WDR48: variants seen among roughly 807,000 people sequenced by gnomAD.
WDR48 encodes the protein WD repeat-containing protein 48.
WDR48 carries 22 observed loss-of-function variants against 94.0 expected under a neutral mutation model. The ratio of observed to expected loss-of-function variants is 0.23; its 90% CI spans 0.17 to 0.33. The LOEUF is 0.33. WDR48 is among the 10% of genes least tolerant of loss of function. WDR48 has a pLI of 1.00. For missense variants in WDR48, 541 were observed against 813.8 expected, an observed-to-expected ratio of 0.66 and a Z score of 4.08; for synonymous variants, 278 against 280.5, an observed-to-expected ratio of 0.99 and a Z score of 0.09.
At position 39,070,687 on chromosome 3, in the gene WDR48, C is replaced by CT. The variant is rs34204168; in HGVS notation, c.672+962dup. Among the ~76,000 whole-genome samples, 251 of 133,324 alleles carry CT rather than the reference C, an allele frequency of 1.9e-3. 1 individual carries two copies. The highest frequency in any genetic ancestry group is 3.5e-3 in the South Asian group (14 of 4,012). 87.5% of individuals were successfully genotyped at this position (133,324 alleles called of 152,430 possible). A position where few individuals can be genotyped will look rare whatever the true frequency, so the allele number is the denominator to read the frequency against. ...GGAGGTATTTGGAGATGTGAAGGAT[C>CT]TTTTTTTTTTTTTTTTTTTAATACT... On this transcript the variant is annotated intron_variant, in intron 7 of 18. Transcript: ENST00000302313.
intron 10 of WDR48, among the ~76,000 whole-genome samples, chr3:39,078,768 C>CAT (rs1553661104): frequency 0.053 from 6 of 114 alleles, no homozygotes; most frequent in African/African-American, 0.18. Context: ...CGCGGTGGCT[C>CAT]GCCTGTAATC....
chr3:39,059,302 A>G (rs575135408), intron 1 of WDR48, among the ~76,000 whole-genome samples: 1 of 152,324 alleles, frequency 6.6e-6, no homozygotes, highest in East Asian at 1.9e-4. Flanking sequence ...CACTGGCAAC[A>G]GTAAATGAGA....
intron 1 of WDR48, among the ~76,000 whole-genome samples, chr3:39,055,844 G>GA (rs200278421): frequency 1.3e-5 from 2 of 151,700 alleles, no homozygotes; most frequent in South Asian, 2.1e-4. Flanking sequence ...AGTGCTTGGG[G>GA]AAAAAAAATA....
chr3:39,069,138 A>G (rs1397596043), intron 6 of WDR48, among the ~76,000 whole-genome samples: 1 of 151,970 alleles, frequency 6.6e-6, no homozygotes, highest in Admixed American at 6.6e-5. Flanking sequence ...TCCTTGTCCC[A>G]TCTGGCTAAT....
At chr3:39,057,916 G>A (rs183901350) in intron 1 of WDR48, among the ~76,000 whole-genome samples, 1 of 152,198 alleles carries the variant, frequency 6.6e-6, no homozygotes, top group Non-Finnish European at 1.5e-5. Context: ...ACTGCGCCTG[G>A]CCCCTGGTTA....
chr3:39,089,907 T>G (rs1340728532), intron 16 of WDR48: 1 of 152,262 alleles, frequency 6.6e-6, no homozygotes, highest in Non-Finnish European at 1.5e-5. Context: ...CCCCTATTAA[T>G]GGACATTTAG....
rs927369586 is a variant in WDR48 at position 39,094,030 on chromosome 3, G to A, written c.1902G>A (p.Leu634=). 2 of 1,612,904 alleles carry A rather than the reference G, an allele frequency of 1.2e-6. No homozygotes were observed. Among genetic ancestry groups the A allele is most frequent in the African/African-American group, 2.7e-5 (2 of 74,872 alleles). The change falls in exon 18 of 19, where the codon TTG becomes TTA. Residue 634 remains leucine (L), a synonymous_variant. Transcript: ENST00000302313. ...AAAAAGAAGAAGATATTGCTGTGTT[G>A]GCAGAGGAGAAAATTGAACTTTTGT... The part of the protein sequence containing the change: ...EQEKEEDIAV[L]AEEKIELLCQ...
At chr3:39,067,155 A>G (rs1045146241) in intron 5 of WDR48, among the ~76,000 whole-genome samples, 1 of 152,194 alleles carries the variant, frequency 6.6e-6, no homozygotes, top group African/African-American at 2.4e-5. Flanking sequence ...CCTGCAGGGT[A>G]GAGGAGACTG....
At chr3:39,062,872 A>G (rs1427429880) in intron 1 of WDR48, among the ~76,000 whole-genome samples, 178 bp from the exon 2 acceptor site, 4 of 152,198 alleles carry the variant, frequency 2.6e-5, no homozygotes, top group Admixed American at 2.6e-4. Context: ...TATCATTGAT[A>G]CCATCCTTCT....
intron 7 of WDR48, among the ~76,000 whole-genome samples, chr3:39,070,781 C>T (rs1172256506): frequency 6.7e-6 from 1 of 150,170 alleles, no homozygotes; most frequent in Non-Finnish European, 1.5e-5. Flanking sequence ...CATGCTGGTG[C>T]GCTGCACCCA....
intron 18 of WDR48, chr3:39,094,380 GT>G (rs2035235101): frequency 6.8e-7 from 1 of 1,469,274 alleles, no homozygotes; most frequent in African/African-American, 1.4e-5. Flanking sequence ...TGGCAGAACT[GT>G]TTTTTAAATC....
chr3:39,087,261 C>T (rs912642500), intron 14 of WDR48, among the ~76,000 whole-genome samples: 3 of 152,200 alleles, frequency 2.0e-5, no homozygotes, highest in Non-Finnish European at 4.4e-5. Context: ...CAGAATGGAG[C>T]TAGGCGTGAT....
At chr3:39,087,623 A>T (rs540569837) in intron 14 of WDR48, among the ~76,000 whole-genome samples, 2 of 152,214 alleles carry the variant, frequency 1.3e-5, no homozygotes, top group Non-Finnish European at 2.9e-5. Context: ...CGTCTCAAAG[A>T]AAAAACAACA....
intron 7 of WDR48, 56 bp downstream of exon 7, chr3:39,069,800 TTGTATAC>T: frequency 7.0e-7 from 1 of 1,432,806 alleles, no homozygotes; most frequent in Non-Finnish European, 9.7e-7. Context: ...TTTCCGCACT[TTGTATAC>T]TATTGCATAG....
At chr3:39,066,181 A>G (rs1228284044) in intron 3 of WDR48, among the ~76,000 whole-genome samples, 12 of 152,142 alleles carry the variant, frequency 7.9e-5, no homozygotes, top group Admixed American at 3.9e-4. Flanking sequence ...GACTCGTACT[A>G]TATGTATTCT....
chr3:39,094,119 AAG>A, intron 18 of WDR48, 53 bp downstream of exon 18: 1 of 1,568,488 alleles, frequency 6.4e-7, no homozygotes, highest in Non-Finnish European at 8.6e-7. Flanking sequence ...GGTGCTCATA[AAG>A]AGTTACATGC....
At chr3:39,067,279 A>G (rs1030027246) in intron 5 of WDR48, among the ~76,000 whole-genome samples, 2 of 152,226 alleles carry the variant, frequency 1.3e-5, no homozygotes. Context: ...CTGACTTTTT[A>G]AAGTGTTAAG....
At chr3:39,060,452 C>A (rs540401255) in intron 1 of WDR48, among the ~76,000 whole-genome samples, 2 of 148,786 alleles carry the variant, frequency 1.3e-5, no homozygotes, top group Non-Finnish European at 3.0e-5. Context: ...ACACACACAT[C>A]ACATTTTATT....
In WDR48 at chr3:39,096,101, A is replaced by G. The variant is rs1388545357; in HGVS notation, c.*1358A>G. ...TCACAGGTTCGGCTGGGGGCAGCTG[A>G]TAGGCCTAAGGCCATACCTTACTAT... On this transcript the variant is annotated 3_prime_UTR_variant, in exon 19 of 19. Transcript: ENST00000302313. The G allele has an allele frequency of 1.3e-5, 2 of 152,642 alleles. No homozygotes were observed. The highest frequency in any genetic ancestry group is 4.8e-5 in the African/African-American group (2 of 41,448). 9.5% of individuals were successfully genotyped at this position (152,642 alleles called of 1,614,324 possible).
Sources: allele counts gnomAD v4.1 joint callset (sites outside exome capture counted in the v4.1 genomes callset), GRCh38; gene constraint gnomAD v4.1.1; transcripts MANE v1.5; gene names NCBI Gene and HGNC (gene_info 2026-07-23, HGNC 2026-07-21).